Variants in NELL2 observed in about 807,000 individuals in gnomAD.
The protein encoded by NELL2 is neural EGFL like 2.
Under a neutral mutation model 109.6 loss-of-function variants are expected in NELL2, and 41 were observed. That is an observed-to-expected ratio of 0.37 (90% CI 0.29 to 0.49). The LOEUF is 0.49. Ranked by LOEUF, NELL2 falls within the 20% of genes least tolerant of loss-of-function variation. The probability of loss-of-function intolerance (pLI) is 0.98; values close to 1 mark genes in which losing one functional copy is unlikely to be tolerated. For missense variants in NELL2, 900 were observed against 1,008.3 expected (o/e 0.89, Z 1.45); for synonymous variants, 355 against 344.7 (o/e 1.03, Z -0.33).
intron 12 of NELL2, among the ~76,000 whole-genome samples, chr12:44,667,059 G>A (rs1441890750): frequency 6.6e-6 from 1 of 152,076 alleles, no homozygotes; most frequent in African/African-American, 2.4e-5. Flanking sequence ...TACTCCCAAC[G>A]CAGTGCTACC....
chr12:44,768,970 C>T (rs552728555), intron 9 of NELL2, among the ~76,000 whole-genome samples: 1 of 151,044 alleles, frequency 6.6e-6, no homozygotes, highest in Non-Finnish European at 1.5e-5. Context: ...TCACCATAGC[C>T]TACATAAATT....
intron 12 of NELL2, among the ~76,000 whole-genome samples, chr12:44,690,239 T>C (rs1948858294): frequency 6.6e-6 from 1 of 152,162 alleles, no homozygotes; most frequent in African/African-American, 2.4e-5. Flanking sequence ...CCAAATTTTA[T>C]ACTGATGAAA....
At chr12:44,672,729 A>G (rs1215245934) in intron 12 of NELL2, among the ~76,000 whole-genome samples, 2 of 152,208 alleles carry the variant, frequency 1.3e-5, no homozygotes, top group Admixed American at 1.3e-4. Context: ...CCCTATTTAC[A>G]GCCACAATGG....
At chr12:44,643,423 A>G (rs1030476673) in intron 13 of NELL2, among the ~76,000 whole-genome samples, 1 of 152,216 alleles carries the variant, frequency 6.6e-6, no homozygotes, top group African/African-American at 2.4e-5. Flanking sequence ...TTACAAAGGT[A>G]CGTAGGCATT....
chr12:44,552,147 T>C (rs1246791630), intron 15 of NELL2, among the ~76,000 whole-genome samples: 1 of 152,174 alleles, frequency 6.6e-6, no homozygotes, highest in Non-Finnish European at 1.5e-5. Context: ...ATCACTTAAT[T>C]AGAATATTTA....
chr12:44,524,297 G>A (rs1228222182), intron 16 of NELL2, among the ~76,000 whole-genome samples: 1 of 152,180 alleles, frequency 6.6e-6, no homozygotes, highest in African/African-American at 2.4e-5. Context: ...TCCATAAGAG[G>A]AGATGGGATT....
intron 9 of NELL2, among the ~76,000 whole-genome samples, chr12:44,769,759 A>C (rs1941472845): frequency 6.6e-6 from 1 of 152,166 alleles, no homozygotes; most frequent in African/African-American, 2.4e-5. Flanking sequence ...AACACAAATA[A>C]AATATATGCA....
At chr12:44,827,571 C>T (rs559738067) in intron 2 of NELL2, among the ~76,000 whole-genome samples, 1 of 152,134 alleles carries the variant, frequency 6.6e-6, no homozygotes, top group South Asian at 2.1e-4. Context: ...TGAGAAGATG[C>T]AAAGTTTGTC....
upstream of NELL2, among the ~76,000 whole-genome samples, chr12:44,877,660 C>T (rs2136853390): frequency 6.6e-6 from 1 of 152,142 alleles, no homozygotes; most frequent in Admixed American, 6.5e-5. Context: ...AATACATATA[C>T]TATATTATAC....
intron 13 of NELL2, 97 bp downstream of exon 13, chr12:44,665,387 T>A: frequency 9.9e-7 from 1 of 1,007,440 alleles, no homozygotes; most frequent in Middle Eastern, 2.7e-4. Context: ...TTTGTTGTAT[T>A]TATGGTATAC....
intron 16 of NELL2, among the ~76,000 whole-genome samples, chr12:44,527,439 T>G (rs572729649): frequency 6.6e-6 from 1 of 152,308 alleles, no homozygotes; most frequent in East Asian, 1.9e-4. Flanking sequence ...ATCTCTGAGA[T>G]AAATGGATGA....
At chr12:44,676,040 T>TA (rs1167755461) in intron 12 of NELL2, among the ~76,000 whole-genome samples, 4 of 152,094 alleles carry the variant, frequency 2.6e-5, no homozygotes, top group Non-Finnish European at 4.4e-5. Flanking sequence ...TTATATCCTG[T>TA]AAAAAGATTA....
intron 9 of NELL2, among the ~76,000 whole-genome samples, chr12:44,758,514 A>G (rs1216119560): frequency 6.6e-6 from 1 of 152,240 alleles, no homozygotes; most frequent in Non-Finnish European, 1.5e-5. Context: ...ATATTTACAG[A>G]TGCAATTGAG....
chr12:44,522,162 C>A lies in NELL2; in HGVS notation c.2013G>T (p.Met671Ile), dbSNP rs142938699. 6 of 1,613,494 alleles carry A rather than the reference C, an allele frequency of 3.7e-6. No homozygotes were observed. In the South Asian group the frequency reaches 5.5e-5, roughly 15 times the overall value. ...SVCSCQNGFV[M>I]CRRMVCDCEN... ...CACAGTCACAGACCATCCGTCGACA[C>A]ATAACGAATCCATTCTGTATGAAAA... is the stretch of plus-strand genomic sequence containing the variant. Residue 671 changes from methionine to isoleucine, a missense_variant, in exon 18 of 20, where the codon ATG (methionine) becomes ATT (isoleucine). Physicochemically the swap from Met to Ile is conservative, Grantham distance 10 (BLOSUM62 1). This residue lies in a region of NELL2 where 333 missense variants were observed against 432.3 expected (regional missense o/e 0.77). Transcript: ENST00000429094.
chr12:44,697,968 C>T (rs1949113360), intron 12 of NELL2, among the ~76,000 whole-genome samples: 1 of 152,184 alleles, frequency 6.6e-6, no homozygotes, highest in Non-Finnish European at 1.5e-5. Flanking sequence ...CACCTAGCTG[C>T]TGGTGCTTTG....
intron 15 of NELL2, among the ~76,000 whole-genome samples, chr12:44,595,726 C>T (rs554743267): frequency 2.6e-5 from 4 of 152,024 alleles, no homozygotes; most frequent in Admixed American, 6.6e-5. Context: ...CAGGCATGAG[C>T]CACCACGCCT....
chr12:44,540,248 G>A (rs1942490788), intron 15 of NELL2, among the ~76,000 whole-genome samples: 1 of 152,080 alleles, frequency 6.6e-6, no homozygotes, highest in Non-Finnish European at 1.5e-5. Flanking sequence ...ACAAAGAAAA[G>A]TATAAAAAGC....
intron 15 of NELL2, among the ~76,000 whole-genome samples, chr12:44,595,962 A>G (rs2136231698): frequency 6.6e-6 from 1 of 152,322 alleles, no homozygotes; most frequent in Admixed American, 6.5e-5. Flanking sequence ...GTAAATTACA[A>G]CTATTGGGAT....
intron 2 of NELL2, among the ~76,000 whole-genome samples, chr12:44,870,667 C>G (rs11182722): frequency 0.021 from 3,136 of 152,240 alleles, 109 homozygotes; most frequent in East Asian, 0.18. Context: ...GGCCCACTAT[C>G]ACCTTTAAAG....
Sources: gnomAD v4.1 joint callset for allele counts (sites outside exome capture counted in the v4.1 genomes callset) on GRCh38, gnomAD v4.1.1 for gene constraint, gnomAD v4.1.1 regional missense constraint, MANE v1.5 for transcripts, NCBI Gene and HGNC (gene_info 2026-07-23, HGNC 2026-07-21) for gene names.